Variants in GANAB observed in about 807,000 individuals in gnomAD.
GANAB encodes the protein neutral alpha-glucosidase AB.
Under a neutral mutation model 129.9 loss-of-function variants are expected in GANAB, and 35 were observed. The observed-to-expected ratio is 0.27, with a 90% CI of 0.21 to 0.36. The LOEUF is 0.36. Among genes scored for constraint, GANAB ranks in the 10% least tolerant of loss-of-function variants. GANAB has a pLI of 1.00. For missense variants in GANAB, 939 were observed against 1,221.0 expected (o/e 0.77, Z 3.44); for synonymous variants, 482 against 451.8 (o/e 1.07, Z -0.85).
At chr11:62,645,841 G>A (rs928376158) in intron 1 of GANAB, among the ~76,000 whole-genome samples, 4 of 152,172 alleles carry the variant, frequency 2.6e-5, no homozygotes, top group African/African-American at 4.8e-5. Flanking sequence ...GAGAGTACAC[G>A]CCTACCCCAC....
In GANAB at chr11:62,644,829, TAAAC is replaced by T. The variant is rs574415818; in HGVS notation, c.38+1729_38+1732del. On this transcript the variant is annotated intron_variant, in intron 1 of 23. Transcript: ENST00000356638. ...CAGAGCGAGACCCTGTTTCAATAAGTAAACAAACAAATAAATAAATAAATAAAAT... is the reference window on the plus strand; with the variant it reads ...CAGAGCGAGACCCTGTTTCAATAAGTAAACAAATAAATAAATAAATAAAAT... 9.3e-3 allele frequency among the ~76,000 whole-genome samples: 1,406 copies of T among 151,840 alleles called. 16 individuals are homozygous for T. The highest frequency in any genetic ancestry group is 0.03 in the African/African-American group (1,241 of 41,384).
At chr11:62,638,136 T>C (rs747069297) in intron 4 of GANAB, among the ~76,000 whole-genome samples, 15 of 151,920 alleles carry the variant, frequency 9.9e-5, no homozygotes, top group Non-Finnish European at 2.1e-4. Context: ...ACAGTGCGGG[T>C]TGGGCTGAGT....
chr11:62,634,858 G>A lies in GANAB; in HGVS notation c.523C>T (p.Leu175Phe). 1.2e-6 allele frequency: 2 copies of A among 1,614,096 alleles called. No individual in the cohort carries two copies. The highest frequency in any genetic ancestry group is 1.7e-6 in the Non-Finnish European group (2 of 1,179,968). ...SLLLSVNARGLLEFEHQRAPR... is the reference protein window; with the variant it reads ...SLLLSVNARGFLEFEHQRAPR... The stretch of plus-strand genomic sequence containing the variant: ...GCCCTCTGATGCTCAAACTCCAAGA[G>A]TCCTCGGGCATTGACACTAAGCAAA... Residue 175 changes from leucine (L) to phenylalanine (F), a missense_variant, in exon 5 of 24, where the codon CTC becomes TTC. Physicochemically the swap from Leu to Phe is conservative, Grantham distance 22 (BLOSUM62 0). Coordinates refer to ENST00000356638, the MANE Select transcript of GANAB (RefSeq NM_198334.3).
chr11:62,645,429 G>A (rs1336471467), intron 1 of GANAB, among the ~76,000 whole-genome samples: 1 of 151,918 alleles, frequency 6.6e-6, no homozygotes, highest in Non-Finnish European at 1.5e-5. Context: ...CCAGCTACTC[G>A]GGAGGCTGAG....
chr11:62,627,497 C>T (rs1254419296), intron 17 of GANAB, 144 bp from the exon 18 acceptor site: 6 of 598,812 alleles, frequency 1.0e-5, no homozygotes, highest in Admixed American at 5.7e-5. Flanking sequence ...TTTGGGAGGC[C>T]GAGGCGGGAA....
At chr11:62,634,473 G>T (rs1943843262) in intron 5 of GANAB, 5 of 777,332 alleles carry the variant, frequency 6.4e-6, no homozygotes, top group Non-Finnish European at 1.1e-5. Context: ...CAAACTTCCA[G>T]AGATGGGGGG....
Position 62,635,988 on chromosome 11 carries a change from G to A in GANAB, c.381-988C>T, listed in dbSNP as rs184866003. Among the ~76,000 whole-genome samples, 565 of 151,902 alleles carry A rather than the reference G, an allele frequency of 3.7e-3. 2 individuals are homozygous for A. Among genetic ancestry groups the A allele is most frequent in the African/African-American group, 0.013 (532 of 41,416 alleles). On this transcript the variant is annotated intron_variant, in intron 4 of 23. Transcript: ENST00000356638. ...CAAGTATCAACTGCAGAAAGATTAT[G>A]ACTTAAAAAATTTTTTTTTCTTAAG...
rs776899485 is a variant in GANAB, at chr11:62,629,913, T to C, written c.1638A>G (p.Pro546=). ...TGACCTCAGGACCATTGAACACAGA[T>C]GGTTCGTTCATGTCATTCCAGACAA... The part of the protein sequence containing the change: ...NLFVWNDMNE[P]SVFNGPEVTM... Residue 546 remains proline (P), a synonymous_variant, in exon 14 of 24, where the codon CCA becomes CCG. Transcript: ENST00000356638. The C allele has an allele frequency of 1.9e-6, 3 of 1,614,110 alleles. No individual in the cohort carries two copies. The highest frequency in any genetic ancestry group is 1.1e-5 in the South Asian group (1 of 91,082).
At chr11:62,629,741 G>T in intron 14 of GANAB, 57 bp from the exon 15 acceptor site, 1 of 1,603,880 alleles carries the variant, frequency 6.2e-7, no homozygotes, top group South Asian at 1.1e-5. Context: ...GTCATCTGGT[G>T]CAAGTTCCCT....
chr11:62,628,302 T>C (rs1205545440), intron 17 of GANAB, among the ~76,000 whole-genome samples: 2 of 138,868 alleles, frequency 1.4e-5, no homozygotes, highest in Non-Finnish European at 3.1e-5. Context: ...CTGCAACCTC[T>C]ACCTCCTGGG....
In GANAB at chr11:62,631,016, G is replaced by T; in HGVS notation, c.1150+14C>A. The T allele has an allele frequency of 1.9e-6, 3 of 1,590,858 alleles. No individual in the cohort carries two copies. The African/African-American group carries it at 4.0e-5, about 21-fold the overall frequency. Reference sequence around the variant, plus strand: ...AGAAAAGAGCAGAAGAATGAGGCAGGGAAAACCATGTACCTGTGAGACTAG... The same window carrying T: ...AGAAAAGAGCAGAAGAATGAGGCAGTGAAAACCATGTACCTGTGAGACTAG... On this transcript the variant is annotated intron_variant, in intron 10 of 23. Transcript: ENST00000356638.
At chr11:62,630,312 G>A (rs768959259) in intron 12 of GANAB, 36 bp from the exon 13 acceptor site, 5 of 1,612,946 alleles carry the variant, frequency 3.1e-6, no homozygotes, top group Middle Eastern at 1.7e-4. Flanking sequence ...AATCCCCTAA[G>A]GGGCAAAAGA....
intron 1 of GANAB, among the ~76,000 whole-genome samples, chr11:62,643,568 G>C (rs931097064): frequency 2.0e-5 from 3 of 152,186 alleles, no homozygotes; most frequent in Non-Finnish European, 4.4e-5. Flanking sequence ...GCTTGAACCC[G>C]GGAGGCAGAG....
intron 4 of GANAB, among the ~76,000 whole-genome samples, chr11:62,638,755 G>C (rs761259678): frequency 6.6e-6 from 1 of 152,154 alleles, no homozygotes; most frequent in Non-Finnish European, 1.5e-5. Context: ...GCCCAGGCCT[G>C]TCAGGGAGGA....
Position 62,644,528 on chromosome 11 carries a change from G to A in GANAB, c.38+2034C>T, listed in dbSNP as rs141047773. ...CCCAGCTAATCAGGAGGCTGAAGCC[G>A]GAGGACTGCCTGAACGCAAGAGTTT... On this transcript the variant is annotated intron_variant, in intron 1 of 23. Transcript: ENST00000356638. 7.5e-3 allele frequency among the ~76,000 whole-genome samples: 1,135 copies of A among 152,204 alleles called. 8 individuals carry two copies. The highest frequency in any genetic ancestry group is 0.02 in the Middle Eastern group (6 of 294).
intron 1 of GANAB, among the ~76,000 whole-genome samples, chr11:62,641,762 TAG>T (rs10561166): frequency 0.24 from 37,035 of 151,854 alleles, 4,854 homozygotes; most frequent in Non-Finnish European, 0.3. Flanking sequence ...GTATTTTTGG[TAG>T]AGACGGAGTT....
chr11:62,630,070 C>T, intron 13 of GANAB, 113 bp from the exon 14 acceptor site: 1 of 1,338,686 alleles, frequency 7.5e-7, no homozygotes, highest in Non-Finnish European at 1.1e-6. Context: ...TCAGGGCCCT[C>T]CCCGGATCAT....
chr11:62,635,157 G>A (rs1393362123), intron 4 of GANAB, among the ~76,000 whole-genome samples, 157 bp from the exon 5 acceptor site: 2 of 152,142 alleles, frequency 1.3e-5, no homozygotes, highest in Admixed American at 1.3e-4. Flanking sequence ...AAAGGGCCCA[G>A]AAACAGACCC....
Position 62,625,767 on chromosome 11 carries a change from A to G in GANAB, c.*48T>C, listed in dbSNP as rs1208855944. The stretch of plus-strand genomic sequence containing the variant: ...CAAGGCAGAAGAAAGAATATCTCTC[A>G]GCACTAATGCTCCCCTTCCCTCCCC... On this transcript the variant is annotated 3_prime_UTR_variant, in exon 24 of 24. Coordinates refer to ENST00000356638, the MANE Select transcript of GANAB (RefSeq NM_198334.3). The G allele has an allele frequency of 8.8e-7, 1 of 1,133,350 alleles. No individual in the cohort carries two copies. Among genetic ancestry groups the G allele is most frequent in the South Asian group, 1.2e-5 (1 of 81,098 alleles). The allele number at this position is 1,133,350 out of a possible 1,614,324, so 70.2% of individuals were successfully genotyped here.
Sources: gnomAD v4.1 joint callset for allele counts (sites outside exome capture counted in the v4.1 genomes callset) on GRCh38, gnomAD v4.1.1 for gene constraint, MANE v1.5 for transcripts, NCBI Gene and HGNC (gene_info 2026-07-23, HGNC 2026-07-21) for gene names.